CEP120: variants seen among roughly 807,000 people sequenced by gnomAD.
The protein encoded by CEP120 is centrosomal protein 120, also known as centrosomal protein of 120 kDa.
CEP120 carries 113 observed loss-of-function variants against 126.5 expected under a neutral mutation model. The ratio of observed to expected loss-of-function variants is 0.89; its 90% confidence interval spans 0.77 to 1.04. The LOEUF is 1.04. CEP120 is among the 50% of genes least tolerant of loss of function. The pLI is 0.00. For missense variants in CEP120, 1,230 were observed against 1,155.7 expected, an observed-to-expected ratio of 1.06 and a Z score of -0.93; for synonymous variants, 400 against 394.3, an observed-to-expected ratio of 1.01 and a Z score of -0.17.
chr5:123,371,200 C>T (rs113014711), intron 17 of CEP120, among the ~76,000 whole-genome samples: 41 of 152,100 alleles, frequency 2.7e-4, no homozygotes, highest in African/African-American at 9.6e-4. Flanking sequence ...CTATATTAGT[C>T]TGTTTTCACG....
At chr5:123,381,607 T>C (rs12233982) in intron 14 of CEP120, among the ~76,000 whole-genome samples, 5,193 of 152,232 alleles carry the variant, frequency 0.034, 165 homozygotes, top group East Asian at 0.1. Flanking sequence ...GTAATTTATT[T>C]CATAATTCTT....
intron 4 of CEP120, chr5:123,401,685 C>T (rs1207101212): frequency 5.0e-6 from 7 of 1,409,372 alleles, no homozygotes; most frequent in Non-Finnish European, 7.0e-6. Context: ...AAGTTGATCT[C>T]ATCAGTCAGC....
intron 19 of CEP120, among the ~76,000 whole-genome samples, chr5:123,347,282 T>C (rs1768893873): frequency 6.6e-6 from 1 of 152,192 alleles, no homozygotes. Flanking sequence ...TCCTTTATTA[T>C]TGGTCTTTAG....
chr5:123,401,456 T>TG (rs1292619230), intron 4 of CEP120: 2 of 1,292,782 alleles, frequency 1.5e-6, no homozygotes. Flanking sequence ...GTTATCCCCA[T>TG]GCTTCCCAGC....
intron 1 of CEP120, among the ~76,000 whole-genome samples, chr5:123,421,588 C>G (rs1283203766): frequency 6.6e-6 from 1 of 152,126 alleles, no homozygotes; most frequent in Non-Finnish European, 1.5e-5. Context: ...TAAAGAACTT[C>G]AGCCATCCCA....
At chr5:123,416,602 AT>A (rs140755908) in intron 2 of CEP120, among the ~76,000 whole-genome samples, 16,116 of 151,840 alleles carry the variant, frequency 0.11, 1,202 homozygotes, top group Non-Finnish European at 0.16. Context: ...AATAAAAAAA[AT>A]AAACAGGTAA....
chr5:123,401,195 G>C lies in CEP120; in HGVS notation c.464-1911C>G. 2.5e-6 allele frequency: 4 copies of C among 1,612,644 alleles called. No homozygotes were observed. The East Asian group carries it at 8.9e-5, about 36-fold the overall frequency. ...TGTAGGTGGCGATCTCGATGTCCAG[G>C]GCCAGCCTGACGTTCATCAGCTCCT... is the stretch of plus-strand genomic sequence containing the variant. On this transcript the variant is annotated intron_variant, in intron 4 of 19. Coordinates refer to ENST00000306467, the MANE Select transcript of CEP120 (RefSeq NM_001375405.1).
chr5:123,423,054 G>C lies in CEP120; in HGVS notation c.-56C>G. On this transcript the variant is annotated 5_prime_UTR_variant, in exon 1 of 20. Coordinates refer to ENST00000306467, the MANE Select transcript of CEP120 (RefSeq NM_001375405.1). ...GGCTGGGGGGAAGTGAGGTCCAGTTGAGTCGCGGGTAATCCGGGACCCCCG... is the reference window on the plus strand; with the variant it reads ...GGCTGGGGGGAAGTGAGGTCCAGTTCAGTCGCGGGTAATCCGGGACCCCCG... The C allele has an allele frequency of 6.8e-7, 1 of 1,479,738 alleles. No homozygotes were observed. The highest frequency in any genetic ancestry group is 1.4e-5 in the African/African-American group (1 of 72,518). The allele number at this position is 1,479,738 out of a possible 1,614,324, so 91.7% of individuals were successfully genotyped here.
chr5:123,360,735 G>A (rs1770015886), intron 18 of CEP120, among the ~76,000 whole-genome samples: 1 of 151,668 alleles, frequency 6.6e-6, no homozygotes, highest in Admixed American at 6.6e-5. Flanking sequence ...TAAGAAAAGT[G>A]TATGAGGATG....
chr5:123,360,504 G>C (rs1244540427), intron 18 of CEP120, among the ~76,000 whole-genome samples: 1 of 151,840 alleles, frequency 6.6e-6, no homozygotes, highest in Admixed American at 6.6e-5. Context: ...TGCACTCAAA[G>C]AACTTTTCTT....
Position 123,380,023 on chromosome 5 carries a change from G to A in CEP120, c.2104-1595C>T, listed in dbSNP as rs370062293. On this transcript the variant is annotated intron_variant, in intron 14 of 19. Transcript: ENST00000306467. ...TATATCTCAGTTGCTCCAGAGGGCA[G>A]AACAAGAACCACGTATATATCTACT... Among the ~76,000 whole-genome samples, 4 of 152,156 alleles carry A rather than the reference G, an allele frequency of 2.6e-5. No homozygotes were observed. The East Asian group carries it at 7.8e-4, about 29-fold the overall frequency.
At chr5:123,373,446 A>C (rs1472993671) in intron 16 of CEP120, among the ~76,000 whole-genome samples, 1 of 152,086 alleles carries the variant, frequency 6.6e-6, no homozygotes, top group Admixed American at 6.6e-5. Flanking sequence ...AGAGTTGAGG[A>C]CGAACAATCA....
chr5:123,422,984 G>A lies in CEP120; in HGVS notation c.15C>T (p.Ser5=). ...TGGACACGACGATGAGCAATTGGTC[G>A]GATTTGGAGACCATGGTTGCGGTGA... MVSK[S]DQLLIVVSIL... The change falls in exon 1 of 20, where the codon TCC becomes TCT. Residue 5 remains serine, a synonymous_variant. Transcript: ENST00000306467. 6.2e-7 allele frequency: 1 copy of A among 1,614,106 alleles called. No individual in the cohort carries two copies.
At chr5:123,368,431 T>C (rs181146351) in intron 17 of CEP120, among the ~76,000 whole-genome samples, 19 of 152,038 alleles carry the variant, frequency 1.2e-4, no homozygotes, top group Non-Finnish European at 2.1e-4. Context: ...CTACTTGGTT[T>C]TATCAAAAGA....
Position 123,388,622 on chromosome 5 carries a change from A to T in CEP120, c.1256-16T>A. On this transcript the variant is annotated splice_polypyrimidine_tract_variant and intron_variant, in intron 8 of 19. Coordinates refer to ENST00000306467, the MANE Select transcript of CEP120 (RefSeq NM_001375405.1). The stretch of plus-strand genomic sequence containing the variant: ...GAAGAACTGGCTGAAATGAACATAA[A>T]ATAAAACAAAATAATCACACTTGCT... 6.6e-7 allele frequency: 1 copy of T among 1,516,736 alleles called. No homozygotes were observed. Among genetic ancestry groups the T allele is most frequent in the Non-Finnish European group, 8.8e-7 (1 of 1,133,078 alleles). The allele number at this position is 1,516,736 out of a possible 1,614,324, so 94.0% of individuals were successfully genotyped here.
intron 18 of CEP120, among the ~76,000 whole-genome samples, chr5:123,358,970 G>C (rs1242145576): frequency 1.3e-5 from 2 of 152,048 alleles, no homozygotes; most frequent in African/African-American, 2.4e-5. Flanking sequence ...AAATAACCCA[G>C]AGCTGACAAG....
intron 18 of CEP120, among the ~76,000 whole-genome samples, chr5:123,360,470 CA>C (rs893024988): frequency 3.3e-4 from 50 of 151,818 alleles, no homozygotes; most frequent in African/African-American, 1.2e-3. Context: ...AATTGGTTTG[CA>C]ATGAAAAAGC....
intron 17 of CEP120, among the ~76,000 whole-genome samples, chr5:123,371,259 G>T (rs1770834951): frequency 1.3e-5 from 2 of 152,046 alleles, no homozygotes; most frequent in African/African-American, 4.8e-5. Context: ...AAGGAAAGAG[G>T]TTTAATGGAG....
In CEP120 at chr5:123,377,422, C is replaced by T. The variant is rs1022925233; in HGVS notation, c.2310G>A (p.Arg770=). ...CCTCTTCGAGCTGTTTGATTTTTAA[C>T]CTTTCTAGTTCTACTTGGTGAATAC... ...EDCIHQVELE[R]LKIKQLEEDK... The change falls in exon 16 of 20, where the codon AGG becomes AGA. Residue 770 remains arginine, a synonymous_variant. Transcript: ENST00000306467. The T allele has an allele frequency of 3.7e-6, 6 of 1,611,026 alleles. No individual in the cohort carries two copies. Among genetic ancestry groups the T allele is most frequent in the Non-Finnish European group, 4.2e-6 (5 of 1,179,026 alleles).
Sources: allele counts gnomAD v4.1 joint callset (sites outside exome capture counted in the v4.1 genomes callset), GRCh38; gene constraint gnomAD v4.1.1; transcripts MANE v1.5; gene names NCBI Gene and HGNC (gene_info 2026-07-23, HGNC 2026-07-21).